The following NELL2 variants were observed in gnomAD, a reference collection of about 807,000 sequenced individuals.
The protein encoded by NELL2 is neural EGFL like 2.
NELL2 carries 41 observed loss-of-function variants against 109.6 expected under a neutral mutation model. The ratio of observed to expected loss-of-function variants is 0.37; its 90% CI spans 0.29 to 0.49. NELL2 has a LOEUF of 0.49. NELL2 is among the 20% of genes least tolerant of loss of function. The pLI is 0.98. For missense variants in NELL2, 900 were observed against 1,008.3 expected (o/e 0.89, Z 1.45); for synonymous variants, 355 against 344.7 (o/e 1.03, Z -0.33).
At chr12:44,764,536 G>A (rs1408670654) in intron 9 of NELL2, among the ~76,000 whole-genome samples, 1 of 152,062 alleles carries the variant, frequency 6.6e-6, no homozygotes, top group East Asian at 1.9e-4. Flanking sequence ...AATCCTTGAT[G>A]TCTCCAGAAC....
chr12:44,821,071 G>A (rs998516668), intron 2 of NELL2, among the ~76,000 whole-genome samples: 9 of 114,882 alleles, frequency 7.8e-5, no homozygotes, highest in African/African-American at 9.7e-5. Flanking sequence ...ACACACACAC[G>A]TATATATATT....
chr12:44,650,702 T>A (rs1947270511), intron 13 of NELL2, among the ~76,000 whole-genome samples: 1 of 152,128 alleles, frequency 6.6e-6, no homozygotes, highest in Non-Finnish European at 1.5e-5. Context: ...GGTGGGGCGC[T>A]GATGCAATAG....
At chr12:44,877,870 T>TC (rs1255141011), upstream of NELL2, among the ~76,000 whole-genome samples, 5 of 152,162 alleles carry the variant, frequency 3.3e-5, no homozygotes, top group African/African-American at 1.2e-4. Flanking sequence ...TTCCCAAATT[T>TC]GAAAAACTAT....
chr12:44,590,485 A>AT (rs995792272), intron 15 of NELL2, among the ~76,000 whole-genome samples: 2 of 152,124 alleles, frequency 1.3e-5, no homozygotes, highest in African/African-American at 2.4e-5. Context: ...TTTTCAACAG[A>AT]TTTTTTAAAG....
chr12:44,551,323 A>C (rs1349362194), intron 15 of NELL2, among the ~76,000 whole-genome samples: 1 of 152,128 alleles, frequency 6.6e-6, no homozygotes, highest in African/African-American at 2.4e-5. Flanking sequence ...TGATTTATTC[A>C]CCCTTAAATA....
Position 44,892,990 on chromosome 12 carries a change from C to T in NELL2, c.39-17090G>A, listed in dbSNP as rs530201722. ...TTTGGAAATTCACATACCAAAGAAA[C>T]TGTGATTCACAATACTCTATCAGTC... On this transcript the variant is annotated intron_variant, in intron 1 of 20. Coordinates refer to the NELL2 transcript ENST00000333837. 2.6e-5 allele frequency among the ~76,000 whole-genome samples: 4 copies of T among 152,124 alleles called. No individual in the cohort carries two copies. The East Asian group carries it at 7.7e-4, about 29-fold the overall frequency.
intron 9 of NELL2, among the ~76,000 whole-genome samples, chr12:44,773,411 G>A (rs1404925204): frequency 6.6e-6 from 1 of 152,116 alleles, no homozygotes; most frequent in Non-Finnish European, 1.5e-5. Context: ...GGAAGGCGGA[G>A]CTTGCAGTGA....
At chr12:44,565,441 A>G (rs948007830) in intron 15 of NELL2, among the ~76,000 whole-genome samples, 2 of 152,210 alleles carry the variant, frequency 1.3e-5, no homozygotes, top group Non-Finnish European at 2.9e-5. Flanking sequence ...GATGGTCTAC[A>G]GACTGCTATC....
At chr12:44,554,485 T>G (rs926503646) in intron 15 of NELL2, among the ~76,000 whole-genome samples, 1 of 152,152 alleles carries the variant, frequency 6.6e-6, no homozygotes, top group African/African-American at 2.4e-5. Flanking sequence ...TGCAGAGGGA[T>G]ACCATGAAAA....
chr12:44,864,481 T>C (rs1031833912), intron 2 of NELL2, among the ~76,000 whole-genome samples: 2 of 152,018 alleles, frequency 1.3e-5, no homozygotes, highest in African/African-American at 4.8e-5. Context: ...CAAAGTACAT[T>C]ATATAAAGAG....
chr12:44,696,634 A>G (rs2136406417), intron 12 of NELL2, among the ~76,000 whole-genome samples: 1 of 152,316 alleles, frequency 6.6e-6, no homozygotes, highest in South Asian at 2.1e-4. Flanking sequence ...ATCCCTTTTT[A>G]GCTACAAAAG....
At chr12:44,743,827 T>A (rs1940157634) in intron 9 of NELL2, among the ~76,000 whole-genome samples, 1 of 152,076 alleles carries the variant, frequency 6.6e-6, no homozygotes, top group African/African-American at 2.4e-5. Flanking sequence ...ACAAAGAGAC[T>A]TAGACTCCCA....
intron 19 of NELL2, among the ~76,000 whole-genome samples, chr12:44,518,206 G>A (rs1002118362): frequency 1.3e-5 from 2 of 150,904 alleles, no homozygotes; most frequent in African/African-American, 4.9e-5. Context: ...GATTATAGTA[G>A]TTGTTTATAA....
At chr12:44,699,952 A>G (rs1431184190) in intron 12 of NELL2, among the ~76,000 whole-genome samples, 1 of 152,144 alleles carries the variant, frequency 6.6e-6, no homozygotes, top group Non-Finnish European at 1.5e-5. Context: ...TAACATTTAG[A>G]TGCCAAAGAA....
intron 2 of NELL2, among the ~76,000 whole-genome samples, chr12:44,870,922 C>T (rs2710423): frequency 0.018 from 2,763 of 152,202 alleles, 102 homozygotes; most frequent in African/African-American, 0.064. Flanking sequence ...ATTCTGCCCA[C>T]CATAATATAT....
chr12:44,575,184 TA>T (rs1944029672), intron 15 of NELL2, among the ~76,000 whole-genome samples: 1 of 152,246 alleles, frequency 6.6e-6, no homozygotes, highest in African/African-American at 2.4e-5. Flanking sequence ...ACTTGTTTAA[TA>T]AATGAATGAC....
intron 15 of NELL2, among the ~76,000 whole-genome samples, chr12:44,598,161 C>G (rs1235191660): frequency 2.6e-5 from 2 of 77,326 alleles, no homozygotes; most frequent in Non-Finnish European, 4.4e-5. Context: ...AATTTATTCT[C>G]TCAAAAAAAA....
intron 13 of NELL2, among the ~76,000 whole-genome samples, chr12:44,641,168 T>G (rs897007875): frequency 3.3e-5 from 5 of 152,168 alleles, no homozygotes; most frequent in African/African-American, 9.6e-5. Flanking sequence ...TAAAAATAAA[T>G]TAGTGGCATA....
chr12:44,920,894 G>C (rs919889068), intron 1 of NELL2, among the ~76,000 whole-genome samples: 1 of 152,178 alleles, frequency 6.6e-6, no homozygotes, highest in African/African-American at 2.4e-5. Context: ...TCTGGAGTCT[G>C]TCTGTTGCTC....
Sources: allele counts gnomAD v4.1 joint callset (sites outside exome capture counted in the v4.1 genomes callset), GRCh38; gene constraint gnomAD v4.1.1; transcripts MANE v1.5; gene names NCBI Gene and HGNC (gene_info 2026-07-23, HGNC 2026-07-21).